Variants in THSD7B observed in about 807,000 individuals in gnomAD.
The protein encoded by THSD7B is thrombospondin type 1 domain containing 7B.
THSD7B carries 138 observed loss-of-function variants against 213.6 expected under a neutral mutation model. That is an observed-to-expected ratio of 0.65 (90% CI 0.56 to 0.74). THSD7B has a LOEUF of 0.74. Ranked by LOEUF, THSD7B falls within the 30% of genes least tolerant of loss-of-function variation. The pLI is 0.00. For synonymous variants in THSD7B, 742 were observed against 687.0 expected, an observed-to-expected ratio of 1.08 and a Z score of -1.25; for missense variants, 1,931 against 1,991.5, an observed-to-expected ratio of 0.97 and a Z score of 0.58.
chr2:137,155,508 T>C (rs1573857069), intron 5 of THSD7B, among the ~76,000 whole-genome samples: 2 of 151,486 alleles, frequency 1.3e-5, no homozygotes. Flanking sequence ...GTGGCTGGAG[T>C]TTGGCCAAAG....
chr2:136,940,481 A>AT (rs35483919), intron 2 of THSD7B, among the ~76,000 whole-genome samples: 16 of 150,934 alleles, frequency 1.1e-4, no homozygotes, highest in Admixed American at 4.0e-4. Flanking sequence ...AAGTTTGATA[A>AT]TTTTTTTTTC....
intron 17 of THSD7B, among the ~76,000 whole-genome samples, chr2:137,588,795 TA>T (rs1681800912): frequency 9.9e-5 from 15 of 151,554 alleles, no homozygotes; most frequent in Admixed American, 6.6e-4. Flanking sequence ...TTTATTTATT[TA>T]TTTTTCGAGA....
chr2:136,900,951 CTT>C (rs761540195), intron 2 of THSD7B, among the ~76,000 whole-genome samples: 5 of 152,026 alleles, frequency 3.3e-5, no homozygotes, highest in African/African-American at 7.2e-5. Flanking sequence ...GAAAGTGTCT[CTT>C]ATATACAAAT....
intron 1 of THSD7B, among the ~76,000 whole-genome samples, chr2:136,831,519 C>T (rs1682755158): frequency 6.6e-6 from 1 of 152,178 alleles, no homozygotes. Flanking sequence ...TTTAAGTACA[C>T]ACTATTGTGT....
intron 5 of THSD7B, among the ~76,000 whole-genome samples, chr2:137,144,372 C>T (rs1679649891): frequency 6.6e-6 from 1 of 152,094 alleles, no homozygotes; most frequent in Non-Finnish European, 1.5e-5. Flanking sequence ...GAATTGAATT[C>T]ATATAACCAC....
chr2:137,554,271 C>G (rs978382931), intron 15 of THSD7B, among the ~76,000 whole-genome samples: 3 of 151,988 alleles, frequency 2.0e-5, no homozygotes, highest in Middle Eastern at 3.2e-3. Flanking sequence ...TCAATTCAAC[C>G]AATATTTATT....
At chr2:137,082,192 T>C (rs1398410317) in intron 3 of THSD7B, among the ~76,000 whole-genome samples, 2 of 152,148 alleles carry the variant, frequency 1.3e-5, no homozygotes, top group Non-Finnish European at 1.5e-5. Context: ...GCAATTTTTT[T>C]CATGGAATCT....
chr2:136,786,381 A>T (rs1681849075), intron 1 of THSD7B, among the ~76,000 whole-genome samples: 1 of 152,136 alleles, frequency 6.6e-6, no homozygotes, highest in South Asian at 2.1e-4. Context: ...CATCCCAAAG[A>T]GGACCATGTA....
intron 5 of THSD7B, among the ~76,000 whole-genome samples, chr2:137,133,919 T>C (rs1205763676): frequency 6.6e-6 from 1 of 152,190 alleles, no homozygotes; most frequent in African/African-American, 2.4e-5. Flanking sequence ...TCCATAGCCA[T>C]ATGCAGCTCT....
chr2:137,355,609 C>T (rs180891562), intron 12 of THSD7B, among the ~76,000 whole-genome samples: 3 of 152,146 alleles, frequency 2.0e-5, no homozygotes, highest in Non-Finnish European at 1.5e-5. Context: ...TATGCAATTC[C>T]CAATTCAAGA....
At chr2:136,905,308 A>G (rs1684140768) in intron 2 of THSD7B, among the ~76,000 whole-genome samples, 1 of 152,170 alleles carries the variant, frequency 6.6e-6, no homozygotes, top group South Asian at 2.1e-4. Flanking sequence ...TTGAGGATAC[A>G]GTGATGATTC....
chr2:137,143,327 A>C (rs1165817817), intron 5 of THSD7B, among the ~76,000 whole-genome samples: 1 of 152,152 alleles, frequency 6.6e-6, no homozygotes, highest in Non-Finnish European at 1.5e-5. Context: ...AGCCCATCAA[A>C]ACGTGGAATC....
intron 1 of THSD7B, among the ~76,000 whole-genome samples, chr2:136,770,429 G>T (rs138372692): frequency 6.6e-6 from 1 of 152,198 alleles, no homozygotes; most frequent in Admixed American, 6.5e-5. Context: ...TAAAAATATT[G>T]AACTATTTGT....
intron 5 of THSD7B, among the ~76,000 whole-genome samples, chr2:137,139,379 T>C (rs1679534933): frequency 6.6e-6 from 1 of 152,162 alleles, no homozygotes; most frequent in Non-Finnish European, 1.5e-5. Context: ...AAGGATCTGC[T>C]ACTCTGGATC....
At chr2:137,406,254 C>T (rs1218482614) in intron 13 of THSD7B, among the ~76,000 whole-genome samples, 1 of 152,082 alleles carries the variant, frequency 6.6e-6, no homozygotes, top group Non-Finnish European at 1.5e-5. Flanking sequence ...TAAAATTTTA[C>T]TAGTGTAAGG....
intron 2 of THSD7B, among the ~76,000 whole-genome samples, chr2:137,051,499 T>G (rs976642987): frequency 6.6e-6 from 1 of 152,222 alleles, no homozygotes; most frequent in African/African-American, 2.4e-5. Flanking sequence ...ATTAACCTAT[T>G]GGAAGTAAAG....
intron 2 of THSD7B, among the ~76,000 whole-genome samples, chr2:137,027,686 C>T (rs559625062): frequency 4.6e-5 from 7 of 152,272 alleles, no homozygotes; most frequent in Non-Finnish European, 7.4e-5. Context: ...AAAATGGATA[C>T]TCTAGGAGCA....
At chr2:137,211,737 T>C (rs1681117760) in intron 7 of THSD7B, among the ~76,000 whole-genome samples, 1 of 141,738 alleles carries the variant, frequency 7.1e-6, no homozygotes, top group Non-Finnish European at 1.6e-5. Context: ...CAGTTAAGTG[T>C]TCTACAAGTA....
At chr2:137,451,577 T>C (rs1280100514) in intron 15 of THSD7B, among the ~76,000 whole-genome samples, 5 of 152,090 alleles carry the variant, frequency 3.3e-5, no homozygotes, top group Admixed American at 3.3e-4. Flanking sequence ...ATCATAGATA[T>C]TTTCATAAAT....
Sources: allele counts gnomAD v4.1 joint callset (sites outside exome capture counted in the v4.1 genomes callset), GRCh38; gene constraint gnomAD v4.1.1; transcripts MANE v1.5; gene names NCBI Gene and HGNC (gene_info 2026-07-23, HGNC 2026-07-21).